MARCHF1: variants seen among roughly 807,000 people sequenced by gnomAD.
MARCHF1 encodes membrane associated ring-CH-type finger 1.
In MARCHF1, 40 loss-of-function variants were observed where a neutral mutation model predicts 54.2. The observed-to-expected ratio is 0.74, with a 90% CI of 0.57 to 0.96. MARCHF1 has a LOEUF of 0.96. MARCHF1 is among the 40% of genes least tolerant of loss of function. The pLI is 0.00. For missense variants in MARCHF1, 586 were observed against 656.5 expected (o/e 0.89, Z 1.17); for synonymous variants, 236 against 236.3 (o/e 1.00, Z 0.01).
At chr4:164,079,806 C>T (rs754728158) in intron 2 of MARCHF1, among the ~76,000 whole-genome samples, 16 of 151,980 alleles carry the variant, frequency 1.1e-4, no homozygotes, top group Admixed American at 4.6e-4. Flanking sequence ...TTCTAAAAGA[C>T]GTAGTTATTT....
At chr4:163,938,846 A>G (rs1751853664) in intron 3 of MARCHF1, among the ~76,000 whole-genome samples, 1 of 152,106 alleles carries the variant, frequency 6.6e-6, no homozygotes, top group African/African-American at 2.4e-5. Flanking sequence ...AAATAAAACC[A>G]TCAGATCTGG....
intron 1 of MARCHF1, among the ~76,000 whole-genome samples, chr4:164,194,053 C>G (rs1451761758): frequency 6.6e-6 from 1 of 152,028 alleles, no homozygotes; most frequent in African/African-American, 2.4e-5. Context: ...TAATGTCAAC[C>G]AGAATCATCA....
At chr4:164,370,380 C>G (rs1028730850) in intron 1 of MARCHF1, among the ~76,000 whole-genome samples, 9 of 152,128 alleles carry the variant, frequency 5.9e-5, no homozygotes, top group Non-Finnish European at 1.3e-4. Flanking sequence ...AATAGAGGAG[C>G]GGTGGCCATC....
chr4:164,053,203 C>T (rs1045173388), intron 2 of MARCHF1, among the ~76,000 whole-genome samples: 2 of 152,010 alleles, frequency 1.3e-5, no homozygotes, highest in Non-Finnish European at 2.9e-5. Context: ...GGAAAGTTTA[C>T]TTGAATGCAT....
At chr4:163,687,891 C>T (rs901380907) in intron 5 of MARCHF1, among the ~76,000 whole-genome samples, 3 of 152,116 alleles carry the variant, frequency 2.0e-5, no homozygotes, top group East Asian at 1.9e-4. Flanking sequence ...AAATGAGAAT[C>T]GAATGAGGGA....
intron 3 of MARCHF1, among the ~76,000 whole-genome samples, chr4:163,907,613 T>C (rs1751097763): frequency 6.6e-6 from 1 of 152,098 alleles, no homozygotes. Flanking sequence ...GAATTTTTAA[T>C]CAAATAAGAT....
intron 1 of MARCHF1, among the ~76,000 whole-genome samples, chr4:164,151,102 C>T (rs1386676509): frequency 6.6e-6 from 1 of 152,150 alleles, no homozygotes; most frequent in Non-Finnish European, 1.5e-5. Flanking sequence ...GAACATGATG[C>T]TGACATTTGA....
intron 2 of MARCHF1, among the ~76,000 whole-genome samples, chr4:164,082,948 T>C (rs751592386): frequency 6.6e-6 from 1 of 152,154 alleles, no homozygotes; most frequent in African/African-American, 2.4e-5. Flanking sequence ...GGATCTCAAA[T>C]CTCAAACCCC....
chr4:164,333,828 T>C (rs1256919174), intron 1 of MARCHF1, among the ~76,000 whole-genome samples: 1 of 152,128 alleles, frequency 6.6e-6, no homozygotes, highest in Non-Finnish European at 1.5e-5. Context: ...GCTAAACAAG[T>C]TGCGAATGCA....
intron 2 of MARCHF1, among the ~76,000 whole-genome samples, chr4:164,031,504 C>A (rs948769468): frequency 1.3e-5 from 2 of 151,618 alleles, no homozygotes; most frequent in African/African-American, 4.8e-5. Context: ...AAATATGGTC[C>A]AGGAATAACT....
chr4:164,010,874 G>A (rs1753406313), intron 2 of MARCHF1, among the ~76,000 whole-genome samples: 1 of 152,014 alleles, frequency 6.6e-6, no homozygotes, highest in South Asian at 2.1e-4. Context: ...TTACTACAAA[G>A]CTGTAGTAAC....
At chr4:163,643,651 T>C (rs566470155) in intron 5 of MARCHF1, among the ~76,000 whole-genome samples, 87 of 152,332 alleles carry the variant, frequency 5.7e-4, no homozygotes, top group Non-Finnish European at 1.1e-3. Flanking sequence ...AATATCAACT[T>C]TGAAATAGTT....
chr4:163,979,818 T>G (rs1490981033), intron 3 of MARCHF1, among the ~76,000 whole-genome samples: 11 of 152,128 alleles, frequency 7.2e-5, no homozygotes, highest in Admixed American at 6.5e-4. Context: ...CATAAATGTC[T>G]TCTTTTGAGA....
chr4:164,153,843 CATATATAACAATGT>C (rs2110916769), intron 1 of MARCHF1, among the ~76,000 whole-genome samples: 1 of 152,168 alleles, frequency 6.6e-6, no homozygotes, highest in African/African-American at 2.4e-5. Context: ...ATGATATATA[CATATATAACAATGT>C]ATACAAAGTA....
At chr4:163,676,391 C>A in intron 5 of MARCHF1, among the ~76,000 whole-genome samples, 2 of 149,906 alleles carry the variant, frequency 1.3e-5, no homozygotes, top group Non-Finnish European at 1.5e-5. Flanking sequence ...ATTAAGAAAA[C>A]ATACTATGGT....
intron 5 of MARCHF1, among the ~76,000 whole-genome samples, chr4:163,631,595 T>G (rs1279062622): frequency 1.5e-5 from 2 of 137,824 alleles, no homozygotes; most frequent in African/African-American, 2.5e-5. Flanking sequence ...TGTATACCTC[T>G]TCTGCATTTT....
intron 5 of MARCHF1, among the ~76,000 whole-genome samples, chr4:163,646,490 T>A (rs1742764809): frequency 6.6e-6 from 1 of 152,050 alleles, no homozygotes; most frequent in Non-Finnish European, 1.5e-5. Context: ...ATTACCTCAA[T>A]ACTGGAGTGG....
chr4:164,322,231 G>A (rs112267685), intron 1 of MARCHF1, among the ~76,000 whole-genome samples: 37 of 152,158 alleles, frequency 2.4e-4, no homozygotes, highest in African/African-American at 8.2e-4. Flanking sequence ...AACCAAAACT[G>A]TAGCCAAGGA....
At chr4:164,042,073 T>A (rs1014247127) in intron 2 of MARCHF1, among the ~76,000 whole-genome samples, 5 of 152,130 alleles carry the variant, frequency 3.3e-5, no homozygotes, top group African/African-American at 9.7e-5. Context: ...AATATTCGAT[T>A]TACTTCTCTT....
Sources: allele counts gnomAD v4.1 joint callset (sites outside exome capture counted in the v4.1 genomes callset), GRCh38; gene constraint gnomAD v4.1.1; transcripts MANE v1.5; gene names NCBI Gene and HGNC (gene_info 2026-07-23, HGNC 2026-07-21).